MCTP2: variants seen among roughly 807,000 people sequenced by gnomAD.
MCTP2 encodes multiple C2 and transmembrane domain containing 2, also known as multiple C2 and transmembrane domain-containing protein 2.
MCTP2 carries 132 observed loss-of-function variants against 111.6 expected under a neutral mutation model. The ratio of observed to expected loss-of-function variants is 1.18; its 90% CI spans 1.03 to 1.37. The LOEUF (loss-of-function observed/expected upper bound fraction) is 1.37. MCTP2 is among the 40% of genes most tolerant of loss of function. MCTP2 has a pLI of 0.00. For missense variants in MCTP2, 1,183 were observed against 1,067.9 expected, an observed-to-expected ratio of 1.11 and a Z score of -1.50; for synonymous variants, 395 against 387.7, an observed-to-expected ratio of 1.02 and a Z score of -0.22.
intron 4 of MCTP2, among the ~76,000 whole-genome samples, chr15:94,332,884 T>C (rs77367003): frequency 0.037 from 5,609 of 152,264 alleles, 308 homozygotes; most frequent in African/African-American, 0.13. Context: ...TTTATATATA[T>C]ATATGCACAG....
chr15:94,252,412 A>C (rs577604893), intron 1 of MCTP2, among the ~76,000 whole-genome samples: 83 of 152,196 alleles, frequency 5.5e-4, no homozygotes, highest in Non-Finnish European at 1.1e-3. Flanking sequence ...TACAGTTGTA[A>C]GACATGACCT....
chr15:94,366,032 C>A (rs1450292059), intron 10 of MCTP2, among the ~76,000 whole-genome samples: 1 of 152,078 alleles, frequency 6.6e-6, no homozygotes, highest in Non-Finnish European at 1.5e-5. Context: ...TTGTGGGGAC[C>A]TACTTTTCTA....
chr15:94,353,081 A>G (rs1405764905), intron 8 of MCTP2, among the ~76,000 whole-genome samples: 3 of 152,220 alleles, frequency 2.0e-5, no homozygotes, highest in African/African-American at 7.2e-5. Context: ...TGCAATAAAT[A>G]CTTCTCCTGC....
At chr15:94,275,833 GTTTTATAAGCAT>G (rs1369010314) in intron 1 of MCTP2, among the ~76,000 whole-genome samples, 68 of 147,060 alleles carry the variant, frequency 4.6e-4, no homozygotes, top group African/African-American at 1.6e-3. Flanking sequence ...ATGATATTCT[GTTTTATAAGCAT>G]TTTTTTTTTT....
At chr15:94,470,468 A>G (rs2073827139) in intron 21 of MCTP2, 26 bp downstream of exon 21, 1 of 1,418,428 alleles carries the variant, frequency 7.1e-7, no homozygotes, top group Non-Finnish European at 1.0e-6. Context: ...TCCTTTTGCT[A>G]GCAATCAATT....
At chr15:94,322,045 CAG>C (rs755838591) in intron 4 of MCTP2, among the ~76,000 whole-genome samples, 4 of 152,144 alleles carry the variant, frequency 2.6e-5, no homozygotes, top group Non-Finnish European at 5.9e-5. Flanking sequence ...TCAGGAGATG[CAG>C]AGGAGGACAA....
chr15:94,294,941 CTTTTTTTTTTTTTTTTTT>C (rs71133001), intron 1 of MCTP2, among the ~76,000 whole-genome samples: 1 of 73,988 alleles, frequency 1.4e-5, no homozygotes, highest in Non-Finnish European at 2.4e-5. Context: ...TTTTCTTTTC[CTTTTTTTTTTTTTTTTTT>C]TTTTTTTTTT....
chr15:94,392,371 C>A lies in MCTP2; in HGVS notation c.1789-6590C>A, dbSNP rs533130746. ...TGTGTGACCAAGCGAGACTCCATCT[C>A]AAAAAAAAAAATAGTAATAGTAAGG... On this transcript the variant is annotated intron_variant, in intron 14 of 22. Transcript: ENST00000357742. Among the ~76,000 whole-genome samples, 300 of 137,712 alleles carry A rather than the reference C, an allele frequency of 2.2e-3. 2 individuals are homozygous for A. The highest frequency in any genetic ancestry group is 0.014 in the Admixed American group (194 of 13,688). The allele number at this position is 137,712 out of a possible 152,430, so 90.3% of individuals were successfully genotyped here.
intron 8 of MCTP2, among the ~76,000 whole-genome samples, chr15:94,347,433 T>C (rs1017093643): frequency 6.6e-6 from 1 of 152,236 alleles, no homozygotes. Context: ...CTTTTTCTTA[T>C]AATAACTTTA....
chr15:94,346,278 A>G (rs1567484222), intron 8 of MCTP2, among the ~76,000 whole-genome samples: 2 of 152,224 alleles, frequency 1.3e-5, no homozygotes, highest in South Asian at 4.1e-4. Flanking sequence ...CCTTTGCATT[A>G]TGAACACTTT....
chr15:94,267,706 T>A (rs956161743), intron 1 of MCTP2, among the ~76,000 whole-genome samples: 2 of 152,076 alleles, frequency 1.3e-5, no homozygotes, highest in African/African-American at 4.8e-5. Context: ...AATCAATGTA[T>A]GAGAATTCCG....
At chr15:94,265,854 G>C (rs1379601837) in intron 1 of MCTP2, among the ~76,000 whole-genome samples, 1 of 152,102 alleles carries the variant, frequency 6.6e-6, no homozygotes, top group Admixed American at 6.5e-5. Context: ...TTATTTTTTA[G>C]CAGAAGCAAT....
At chr15:94,245,828 C>T (rs941932819) in intron 1 of MCTP2, among the ~76,000 whole-genome samples, 4 of 150,748 alleles carry the variant, frequency 2.7e-5, no homozygotes, top group African/African-American at 4.9e-5. Context: ...CTGATTGCTC[C>T]CCCCCCAGCC....
At chr15:94,243,889 A>G (rs1323986332) in intron 1 of MCTP2, among the ~76,000 whole-genome samples, 1 of 145,312 alleles carries the variant, frequency 6.9e-6, no homozygotes, top group Admixed American at 6.8e-5. Context: ...TTATGTACAC[A>G]TATATGTATA....
intron 1 of MCTP2, among the ~76,000 whole-genome samples, chr15:94,266,023 A>G (rs1403360020): frequency 1.3e-5 from 2 of 152,194 alleles, no homozygotes; most frequent in African/African-American, 4.8e-5. Context: ...ACAAGATCAC[A>G]TCTTTAAATC....
At chr15:94,295,870 G>A (rs985971530) in intron 1 of MCTP2, among the ~76,000 whole-genome samples, 5 of 151,180 alleles carry the variant, frequency 3.3e-5, no homozygotes, top group East Asian at 2.0e-4. Flanking sequence ...AGCTGTGATC[G>A]TGCCATTGCA....
At chr15:94,429,553 C>T (rs557181801) in intron 17 of MCTP2, among the ~76,000 whole-genome samples, 2 of 152,280 alleles carry the variant, frequency 1.3e-5, no homozygotes, top group Non-Finnish European at 2.9e-5. Context: ...TATCTATTTT[C>T]AAGAATACAG....
chr15:94,379,591 AACT>A (rs143889760), intron 12 of MCTP2, among the ~76,000 whole-genome samples: 34 of 151,680 alleles, frequency 2.2e-4, no homozygotes, highest in African/African-American at 8.2e-4. Context: ...ATGAAATGAA[AACT>A]ACTGGTCATG....
chr15:94,291,179 C>T (rs1209418744), intron 1 of MCTP2, among the ~76,000 whole-genome samples: 2 of 152,186 alleles, frequency 1.3e-5, no homozygotes, highest in Admixed American at 1.3e-4. Flanking sequence ...AGAATGACTT[C>T]TGGTCATAAC....
Sources: gnomAD v4.1 joint callset for allele counts (sites outside exome capture counted in the v4.1 genomes callset) on GRCh38, gnomAD v4.1.1 for gene constraint, MANE v1.5 for transcripts, NCBI Gene and HGNC (gene_info 2026-07-23, HGNC 2026-07-21) for gene names.